Variants in VAT1L observed in about 807,000 individuals in gnomAD.
The protein encoded by VAT1L is vesicle amine transport 1 like.
In VAT1L, 34 loss-of-function variants were observed where a neutral mutation model predicts 44.1. The observed-to-expected ratio is 0.77, with a 90% CI of 0.59 to 1.03. The LOEUF is 1.03. Ranked by LOEUF, VAT1L falls within the 50% of genes least tolerant of loss-of-function variation. The pLI is 0.00. For synonymous variants in VAT1L, 253 were observed against 202.2 expected (o/e 1.25, Z -2.13); for missense variants, 615 against 538.8 (o/e 1.14, Z -1.40).
chr16:77,952,621 G>A (rs1247493291), intron 7 of VAT1L, among the ~76,000 whole-genome samples: 1 of 152,042 alleles, frequency 6.6e-6, no homozygotes, highest in African/African-American at 2.4e-5. Context: ...CACCTTGGGA[G>A]GCCGAAGTGG....
intron 7 of VAT1L, among the ~76,000 whole-genome samples, chr16:77,930,578 C>G (rs958766089): frequency 6.6e-6 from 1 of 152,128 alleles, no homozygotes; most frequent in Non-Finnish European, 1.5e-5. Context: ...GCCCGTGCCC[C>G]GCTTATATCT....
chr16:77,896,444 A>G (rs999205122), intron 7 of VAT1L, among the ~76,000 whole-genome samples: 5 of 152,290 alleles, frequency 3.3e-5, no homozygotes, highest in African/African-American at 1.2e-4. Context: ...TTCGGTTTCT[A>G]TTTAGAGGGA....
At chr16:77,932,179 T>C (rs546469692) in intron 7 of VAT1L, among the ~76,000 whole-genome samples, 4 of 149,798 alleles carry the variant, frequency 2.7e-5, no homozygotes, top group South Asian at 2.1e-4. Context: ...TCTTGGATCA[T>C]TGCAAGCTCT....
chr16:77,966,154 T>A (rs558087902), intron 7 of VAT1L, among the ~76,000 whole-genome samples: 2 of 152,366 alleles, frequency 1.3e-5, no homozygotes, highest in East Asian at 3.9e-4. Flanking sequence ...TCTTTTTACA[T>A]TTCTTGACGT....
intron 7 of VAT1L, among the ~76,000 whole-genome samples, chr16:77,908,679 G>A (rs910039609): frequency 2.0e-5 from 3 of 152,002 alleles, no homozygotes; most frequent in African/African-American, 7.3e-5. Context: ...TCTTTGGGAG[G>A]CCGAGATGGG....
intron 7 of VAT1L, among the ~76,000 whole-genome samples, chr16:77,917,504 T>G (rs949029631): frequency 1.3e-5 from 2 of 152,226 alleles, no homozygotes; most frequent in Non-Finnish European, 2.9e-5. Context: ...CCTGTTCAAC[T>G]TCAAATCATT....
chr16:77,927,907 C>T (rs1292946748), intron 7 of VAT1L, among the ~76,000 whole-genome samples: 2 of 152,210 alleles, frequency 1.3e-5, no homozygotes, highest in East Asian at 1.9e-4. Flanking sequence ...TTTCAATTTC[C>T]TTTGAAAATT....
chr16:77,797,270 C>T (rs1436138489), intron 1 of VAT1L, among the ~76,000 whole-genome samples: 1 of 152,114 alleles, frequency 6.6e-6, no homozygotes, highest in Non-Finnish European at 1.5e-5. Flanking sequence ...CACCACCACA[C>T]CCGGCTAATT....
chr16:77,879,310 G>A lies in VAT1L; in HGVS notation c.882+86G>A, dbSNP rs2017123609. The A allele has an allele frequency of 2.1e-6, 3 of 1,449,274 alleles. No homozygotes were observed. The highest frequency in any genetic ancestry group is 3.4e-5 in the Admixed American group (2 of 59,266). The allele number at this position is 1,449,274 out of a possible 1,614,324, so 89.8% of individuals were successfully genotyped here. A position where few individuals can be genotyped will look rare whatever the true frequency, so the allele number is the denominator to read the frequency against. On this transcript the variant is annotated intron_variant, in intron 6 of 8. Transcript: ENST00000302536. The surrounding 1 kb of genome is among the most constrained non-coding windows in gnomAD (Gnocchi z 4.1). ...TTGTTTTTGTTTGTTTGTTTGTTTT[G>A]AGACAGCGTCTCGTTCTGTCACCAG...
chr16:77,932,020 G>A (rs941600441), intron 7 of VAT1L, among the ~76,000 whole-genome samples: 1 of 151,998 alleles, frequency 6.6e-6, no homozygotes, highest in African/African-American at 2.4e-5. Context: ...CCACGCCTGA[G>A]CATTTAGTTC....
At chr16:77,948,500 A>C (rs540758894) in intron 7 of VAT1L, among the ~76,000 whole-genome samples, 47 of 152,282 alleles carry the variant, frequency 3.1e-4, no homozygotes, top group Non-Finnish European at 5.7e-4. Context: ...TCATTTGGGG[A>C]AGAAAGCTCA....
intron 1 of VAT1L, among the ~76,000 whole-genome samples, chr16:77,791,839 G>A (rs1362064355): frequency 6.6e-6 from 1 of 152,208 alleles, no homozygotes; most frequent in Admixed American, 6.5e-5. Context: ...GGTCAGGGTT[G>A]GAATGATAGC....
At chr16:77,938,464 G>T (rs560983325) in intron 7 of VAT1L, among the ~76,000 whole-genome samples, 1 of 152,202 alleles carries the variant, frequency 6.6e-6, no homozygotes, top group African/African-American at 2.4e-5. Context: ...CAGTGTTGGA[G>T]GAGGGGCTGG....
chr16:77,917,270 C>T (rs933085851), intron 7 of VAT1L, among the ~76,000 whole-genome samples: 9 of 151,954 alleles, frequency 5.9e-5, no homozygotes, highest in African/African-American at 2.2e-4. Flanking sequence ...AAATTGGAAG[C>T]AACGAAAAAG....
intron 4 of VAT1L, among the ~76,000 whole-genome samples, chr16:77,874,779 A>G (rs1199741662): frequency 6.6e-6 from 1 of 150,624 alleles, no homozygotes; most frequent in African/African-American, 2.4e-5. Context: ...GCAATATACT[A>G]CATCCTCCAG....
Position 77,870,018 on chromosome 16 carries a change from TAG to T in VAT1L, c.723-6351_723-6350del, listed in dbSNP as rs992969512. ...TAAGAGTCTAATCACCTGGAAAGAA[TAG>T]GGACCAAGGGATCTAGAAGGCATTC... On this transcript the variant is annotated intron_variant, in intron 4 of 8. Transcript: ENST00000302536. Among the ~76,000 whole-genome samples the T allele has an allele frequency of 3.5e-4, 54 of 152,242 alleles. 1 individual carries two copies. Among genetic ancestry groups the T allele is most frequent in the Middle Eastern group, 3.4e-3 (1 of 294 alleles).
chr16:77,800,938 C>T (rs141131222), intron 1 of VAT1L: 15,517 of 152,288 alleles, frequency 0.1, 1,084 homozygotes, highest in East Asian at 0.24. Context: ...AAGCAATTCT[C>T]CTGCCTCAGC....
chr16:77,888,529 T>C (rs1420913240), intron 7 of VAT1L, among the ~76,000 whole-genome samples: 1 of 152,248 alleles, frequency 6.6e-6, no homozygotes, highest in Non-Finnish European at 1.5e-5. Flanking sequence ...TAAAAGATTA[T>C]GTTAAGACAA....
intron 7 of VAT1L, among the ~76,000 whole-genome samples, chr16:77,934,740 C>G (rs1481180307): frequency 6.6e-6 from 1 of 152,130 alleles, no homozygotes. Context: ...CAGAGGGAGA[C>G]AGGGTAGGTT....
Sources: gnomAD v4.1 joint callset for allele counts (sites outside exome capture counted in the v4.1 genomes callset) on GRCh38, gnomAD v4.1.1 for gene constraint, Gnocchi (gnomAD v3.1) non-coding constraint, MANE v1.5 for transcripts, NCBI Gene and HGNC (gene_info 2026-07-23, HGNC 2026-07-21) for gene names.